Variants in ASIC2 observed in about 807,000 individuals in gnomAD.
The protein encoded by ASIC2 is acid sensing ion channel subunit 2, also known as acid-sensing ion channel 2.
In ASIC2, 25 loss-of-function variants were observed where a neutral mutation model predicts 57.3. The ratio of observed to expected loss-of-function variants is 0.44; its 90% confidence interval spans 0.32 to 0.61. The LOEUF (loss-of-function observed/expected upper bound fraction) is 0.61. Among genes scored for constraint, ASIC2 ranks in the 20% least tolerant of loss-of-function variants. The pLI is 0.06. For missense variants in ASIC2, 641 were observed against 738.1 expected, an observed-to-expected ratio of 0.87 and a Z score of 1.52; for synonymous variants, 319 against 307.5, an observed-to-expected ratio of 1.04 and a Z score of -0.39.
rs1911243550 is a variant in ASIC2, at chr17:33,427,053, A to G, written c.556-314986T>C. 3.3e-5 allele frequency among the ~76,000 whole-genome samples: 5 copies of G among 152,184 alleles called. No individual in the cohort carries two copies. In the South Asian group the frequency reaches 1.0e-3, roughly 32 times the overall value. On this transcript the variant is annotated intron_variant, in intron 1 of 9. Transcript: ENST00000359872. Reference sequence around the variant, plus strand: ...TGCAGTTAAGCCTGCATGGCCAGAAACAGTGATCAAGGTGCAAAATGGAGT... The same window carrying G: ...TGCAGTTAAGCCTGCATGGCCAGAAGCAGTGATCAAGGTGCAAAATGGAGT...
At chr17:33,255,143 G>A (rs1304329900) in intron 1 of ASIC2, among the ~76,000 whole-genome samples, 2 of 147,102 alleles carry the variant, frequency 1.4e-5, no homozygotes, top group South Asian at 2.2e-4. Flanking sequence ...GGATTCAAGC[G>A]ATTCTCCTGC....
chr17:33,854,019 C>T (rs1913847441), intron 1 of ASIC2, among the ~76,000 whole-genome samples: 1 of 152,166 alleles, frequency 6.6e-6, no homozygotes. Flanking sequence ...AGTCTAAGAT[C>T]TATGATTTGA....
intron 1 of ASIC2, among the ~76,000 whole-genome samples, chr17:33,756,064 A>G (rs1174033429): frequency 6.6e-6 from 1 of 152,214 alleles, no homozygotes; most frequent in Admixed American, 6.5e-5. Context: ...TTTCCCTGTA[A>G]TTGAACATTG....
At chr17:33,023,636 G>C (rs1346181019) in intron 6 of ASIC2, among the ~76,000 whole-genome samples, 1 of 152,060 alleles carries the variant, frequency 6.6e-6, no homozygotes, top group East Asian at 1.9e-4. Flanking sequence ...GTGTGTGCTT[G>C]TCTCTCCATA....
At chr17:34,105,480 CT>C (rs11305436) in intron 1 of ASIC2, among the ~76,000 whole-genome samples, 76,838 of 122,728 alleles carry the variant, frequency 0.63, 21,588 homozygotes, top group Middle Eastern at 0.69. Context: ...TTTCATCTAC[CT>C]TTTTTTTTTT....
intron 1 of ASIC2, among the ~76,000 whole-genome samples, chr17:34,121,545 G>C (rs1911620427): frequency 6.6e-6 from 1 of 152,110 alleles, no homozygotes; most frequent in African/African-American, 2.4e-5. Context: ...ATATTCAAGT[G>C]CCCTCCAATC....
At chr17:33,936,074 G>T in intron 1 of ASIC2, 1 of 152,356 alleles carries the variant, frequency 6.6e-6, no homozygotes. Flanking sequence ...GGTCAGTGTG[G>T]GGATCGAACA....
At chr17:33,111,477 C>T (rs1301979630) in intron 2 of ASIC2, among the ~76,000 whole-genome samples, 1 of 152,150 alleles carries the variant, frequency 6.6e-6, no homozygotes, top group African/African-American at 2.4e-5. Flanking sequence ...TTTGGTATTC[C>T]AACACTTCCC....
intron 1 of ASIC2, chr17:34,039,753 G>A (rs1434872055): frequency 5.0e-6 from 8 of 1,611,908 alleles, no homozygotes; most frequent in Non-Finnish European, 6.8e-6. Context: ...ATCCGACGCT[G>A]CACAAGCTCT....
At chr17:33,860,745 C>T (rs929522875) in intron 1 of ASIC2, among the ~76,000 whole-genome samples, 9 of 152,236 alleles carry the variant, frequency 5.9e-5, no homozygotes, top group African/African-American at 1.7e-4. Flanking sequence ...TTTTTGCTGC[C>T]ATTATGAAGC....
chr17:33,484,503 T>G (rs551769440), intron 1 of ASIC2, among the ~76,000 whole-genome samples: 3 of 152,376 alleles, frequency 2.0e-5, no homozygotes, highest in African/African-American at 7.2e-5. Context: ...TGAATTTTAA[T>G]ATATTTTCTT....
intron 1 of ASIC2, among the ~76,000 whole-genome samples, chr17:33,583,867 G>A (rs1904527232): frequency 6.6e-6 from 1 of 152,170 alleles, no homozygotes; most frequent in Admixed American, 6.5e-5. Context: ...TGATTTCTCT[G>A]TGGTTGAGAA....
At chr17:33,523,079 T>C (rs1914790112) in intron 1 of ASIC2, among the ~76,000 whole-genome samples, 1 of 152,228 alleles carries the variant, frequency 6.6e-6, no homozygotes, top group Non-Finnish European at 1.5e-5. Context: ...TTGCAGATTC[T>C]TCTGTCTTAA....
At chr17:33,485,683 T>A (rs1913553968) in intron 1 of ASIC2, among the ~76,000 whole-genome samples, 1 of 152,136 alleles carries the variant, frequency 6.6e-6, no homozygotes, top group African/African-American at 2.4e-5. Context: ...TGCCTGCCTC[T>A]CAGAGGGCCT....
intron 1 of ASIC2, among the ~76,000 whole-genome samples, chr17:33,997,350 C>T (rs958470335): frequency 1.5e-4 from 16 of 109,008 alleles, no homozygotes; most frequent in Non-Finnish European, 2.0e-4. Flanking sequence ...GACAAGGTTT[C>T]GCCATGTTGC....
At chr17:34,034,668 A>G (rs1428076158) in intron 1 of ASIC2, among the ~76,000 whole-genome samples, 1 of 152,230 alleles carries the variant, frequency 6.6e-6, no homozygotes, top group African/African-American at 2.4e-5. Flanking sequence ...GCAAAGTCTC[A>G]GGATACAAAA....
intron 1 of ASIC2, among the ~76,000 whole-genome samples, chr17:33,335,744 G>A (rs1172953954): frequency 1.3e-5 from 2 of 152,156 alleles, no homozygotes; most frequent in Non-Finnish European, 2.9e-5. Context: ...AGTCATGAAC[G>A]TGAGGATGTC....
At chr17:34,035,444 A>G (rs1445789913) in intron 1 of ASIC2, among the ~76,000 whole-genome samples, 1 of 148,344 alleles carries the variant, frequency 6.7e-6, no homozygotes, top group Non-Finnish European at 1.5e-5. Context: ...AGAAAACCTC[A>G]GCATTACTAT....
Position 34,156,152 on chromosome 17 carries a change from AT to A in ASIC2, c.380del (p.His127LeufsTer38). ...CCTCCAGCACGGAGGGGTCAGCCAG[AT>A]GGGGGTCCGGGATCTGCAGGTTGAC... On this transcript the variant is annotated frameshift_variant, in exon 1 of 10. Transcript: ENST00000359872. LOFTEE classifies it high-confidence loss of function. The surrounding 1 kb of genome is among the most constrained non-coding windows in gnomAD (Gnocchi z 4.4). 6.2e-7 allele frequency: 1 copy of A among 1,614,040 alleles called. No individual in the cohort carries two copies. The highest frequency in any genetic ancestry group is 8.5e-7 in the Non-Finnish European group (1 of 1,180,006).
Sources: gnomAD v4.1 joint callset for allele counts (sites outside exome capture counted in the v4.1 genomes callset) on GRCh38, gnomAD v4.1.1 for gene constraint, Gnocchi (gnomAD v3.1) non-coding constraint, MANE v1.5 for transcripts, NCBI Gene and HGNC (gene_info 2026-07-23, HGNC 2026-07-21) for gene names.